Variants in PPM1L observed in about 807,000 individuals in gnomAD.
PPM1L encodes the protein protein phosphatase 1L.
A neutral mutation model predicts 31.4 loss-of-function variants in PPM1L; 13 were observed. That is an observed-to-expected ratio of 0.41 (90% CI 0.27 to 0.66). PPM1L has a LOEUF of 0.66. Among genes scored for constraint, PPM1L ranks in the 30% least tolerant of loss-of-function variants. The pLI is 0.29. For synonymous variants in PPM1L, 184 were observed against 175.4 expected (o/e 1.05, Z -0.39); for missense variants, 326 against 453.7 (o/e 0.72, Z 2.56).
intron 1 of PPM1L, among the ~76,000 whole-genome samples, chr3:160,795,633 C>T (rs1374314854): frequency 6.6e-6 from 1 of 152,026 alleles, no homozygotes; most frequent in African/African-American, 2.4e-5. Context: ...TTTCTAGAAC[C>T]GGTTTAGAAG....
At chr3:160,961,655 C>T in intron 1 of PPM1L, 81 bp from the exon 2 acceptor site, 1 of 1,275,476 alleles carries the variant, frequency 7.8e-7, no homozygotes, top group South Asian at 1.7e-5. Flanking sequence ...TGAGCTTTCT[C>T]TATAGCACCT....
rs905681901 is a variant in PPM1L, at chr3:161,075,221, G to A, written c.*6064G>A. On this transcript the variant is annotated 3_prime_UTR_variant, in exon 4 of 4. Coordinates refer to ENST00000498165, the MANE Select transcript of PPM1L (RefSeq NM_139245.4). The stretch of plus-strand genomic sequence containing the variant: ...TTTCTATATTAATTAGATAATTCAC[G>A]ATGTAAAACGTGTTCATGCAGAAGC... 3.9e-5 allele frequency: 6 copies of A among 152,278 alleles called. No individual in the cohort carries two copies. The highest frequency in any genetic ancestry group is 3.4e-3 in the Middle Eastern group (1 of 294). 9.4% of individuals were successfully genotyped at this position (152,278 alleles called of 1,614,324 possible). A position where few individuals can be genotyped will look rare whatever the true frequency, so the allele number is the denominator to read the frequency against.
chr3:160,845,337 G>C (rs1175465907), intron 1 of PPM1L, among the ~76,000 whole-genome samples: 2 of 151,828 alleles, frequency 1.3e-5, no homozygotes, highest in African/African-American at 4.8e-5. Flanking sequence ...TCCATTTTTT[G>C]TTTTAATCTT....
intron 1 of PPM1L, among the ~76,000 whole-genome samples, chr3:160,841,789 A>G (rs1235870223): frequency 6.6e-6 from 1 of 152,186 alleles, no homozygotes; most frequent in Non-Finnish European, 1.5e-5. Context: ...TATTTTGATT[A>G]AAGAGACTAA....
intron 1 of PPM1L, among the ~76,000 whole-genome samples, chr3:160,902,144 G>A (rs568826917): frequency 1.3e-5 from 2 of 152,160 alleles, no homozygotes; most frequent in East Asian, 3.9e-4. Flanking sequence ...GAAAAATTAA[G>A]CATTTTTCTG....
rs891186422 is a variant in PPM1L, at chr3:161,073,962, T to C, written c.*4805T>C. 3.9e-5 allele frequency: 6 copies of C among 152,208 alleles called. No homozygotes were observed. Among genetic ancestry groups the C allele is most frequent in the African/African-American group, 1.4e-4 (6 of 41,444 alleles). The allele number at this position is 152,208 out of a possible 1,614,324, so 9.4% of individuals were successfully genotyped here. ...TCCATTGCTTTTTTGCAGTTACCTT[T>C]GCTTTTTGGGTTGAATCAAAATGAA... On this transcript the variant is annotated 3_prime_UTR_variant, in exon 4 of 4. Transcript: ENST00000498165.
At chr3:160,945,153 C>G (rs1715367497) in intron 1 of PPM1L, among the ~76,000 whole-genome samples, 2 of 111,358 alleles carry the variant, frequency 1.8e-5, no homozygotes, top group Non-Finnish European at 1.8e-5. Context: ...ATCTATCTAT[C>G]TCCACTGATT....
chr3:160,998,335 A>T (rs1213443483), intron 2 of PPM1L, among the ~76,000 whole-genome samples: 1 of 152,180 alleles, frequency 6.6e-6, no homozygotes, highest in Non-Finnish European at 1.5e-5. Context: ...CTAGTTGTTA[A>T]TGTTTTTATT....
In PPM1L at chr3:160,836,940, A is replaced by C. The variant is rs536459467; in HGVS notation, c.399+80233A>C. On this transcript the variant is annotated intron_variant, in intron 1 of 3. Coordinates refer to ENST00000498165, the MANE Select transcript of PPM1L (RefSeq NM_139245.4). The stretch of plus-strand genomic sequence containing the variant: ...ATTAGCTCCACTGGAGGAAAAAGGC[A>C]CAAATGCCTATTTCATCTTAAAAAT... Among the ~76,000 whole-genome samples, 7 of 152,332 alleles carry C rather than the reference A, an allele frequency of 4.6e-5. No individual in the cohort carries two copies. The South Asian group carries it at 8.3e-4, about 18-fold the overall frequency.
intron 1 of PPM1L, among the ~76,000 whole-genome samples, chr3:160,813,391 G>A (rs1463693354): frequency 6.6e-6 from 1 of 152,074 alleles, no homozygotes; most frequent in Non-Finnish European, 1.5e-5. Context: ...CCAGGCCGGA[G>A]TGCAGTGGCA....
chr3:160,876,416 T>A (rs997379716), intron 1 of PPM1L, among the ~76,000 whole-genome samples: 2 of 152,224 alleles, frequency 1.3e-5, no homozygotes, highest in African/African-American at 4.8e-5. Context: ...TGTACTGATG[T>A]TGAATGAGAT....
At chr3:160,983,462 T>C (rs895343458) in intron 2 of PPM1L, among the ~76,000 whole-genome samples, 1 of 152,182 alleles carries the variant, frequency 6.6e-6, no homozygotes, top group South Asian at 2.1e-4. Flanking sequence ...GTGGGTAATA[T>C]GAAAGCTTTA....
intron 1 of PPM1L, among the ~76,000 whole-genome samples, chr3:160,791,169 C>G (rs1712094115): frequency 6.6e-6 from 1 of 152,072 alleles, no homozygotes; most frequent in African/African-American, 2.4e-5. Context: ...CTAGGCATCC[C>G]AGTTTTCATG....
chr3:160,811,687 A>G (rs1712810132), intron 1 of PPM1L, among the ~76,000 whole-genome samples: 1 of 152,184 alleles, frequency 6.6e-6, no homozygotes, highest in Non-Finnish European at 1.5e-5. Context: ...AGCTAGATAG[A>G]TATGGTTCTG....
intron 2 of PPM1L, among the ~76,000 whole-genome samples, chr3:160,969,858 A>T (rs904829898): frequency 2.0e-5 from 3 of 152,220 alleles, no homozygotes; most frequent in African/African-American, 7.2e-5. Context: ...TTCCATTATA[A>T]AACTAAATAA....
intron 1 of PPM1L, among the ~76,000 whole-genome samples, chr3:160,918,980 G>A (rs946788734): frequency 6.6e-6 from 1 of 152,154 alleles, no homozygotes; most frequent in Non-Finnish European, 1.5e-5. Flanking sequence ...GGTTTAAAGT[G>A]CAGTACCAGG....
chr3:160,944,803 A>ATATATTATATATAT (rs752118269), intron 1 of PPM1L, among the ~76,000 whole-genome samples: 1 of 59,254 alleles, frequency 1.7e-5, no homozygotes, highest in African/African-American at 5.6e-5. Context: ...TATATATAAC[A>ATATATTATATATAT]TATATAACAT....
chr3:160,961,036 G>A (rs542316809), intron 1 of PPM1L, among the ~76,000 whole-genome samples: 6 of 152,240 alleles, frequency 3.9e-5, no homozygotes, highest in East Asian at 1.9e-4. Context: ...TGTACAGATA[G>A]TGTAAAAACA....
chr3:160,999,777 T>G (rs114531245), intron 2 of PPM1L, among the ~76,000 whole-genome samples: 2 of 152,248 alleles, frequency 1.3e-5, no homozygotes, highest in African/African-American at 4.8e-5. Flanking sequence ...GTCATTTTAC[T>G]GTATTCAGAA....
Sources: gnomAD v4.1 joint callset for allele counts (sites outside exome capture counted in the v4.1 genomes callset) on GRCh38, gnomAD v4.1.1 for gene constraint, MANE v1.5 for transcripts, NCBI Gene and HGNC (gene_info 2026-07-23, HGNC 2026-07-21) for gene names.